The following PHF14 variants were observed in gnomAD, a reference collection of about 807,000 sequenced individuals.
PHF14 encodes the protein PHD finger protein 14.
PHF14 carries 55 observed loss-of-function variants against 117.9 expected under a neutral mutation model. That is an observed-to-expected ratio of 0.47 (90% CI 0.38 to 0.58). The LOEUF (loss-of-function observed/expected upper bound fraction) is 0.58, where lower values mean the gene tolerates loss of function less well. PHF14 is among the 20% of genes least tolerant of loss of function. The pLI is 0.00. For synonymous variants in PHF14, 409 were observed against 368.6 expected, an observed-to-expected ratio of 1.11 and a Z score of -1.26; for missense variants, 978 against 1,122.2, an observed-to-expected ratio of 0.87 and a Z score of 1.84.
At chr7:11,030,571 A>C (rs887172715) in intron 7 of PHF14, among the ~76,000 whole-genome samples, 5 of 152,128 alleles carry the variant, frequency 3.3e-5, no homozygotes, top group Admixed American at 3.3e-4. Flanking sequence ...ATTAAATGAA[A>C]CTAAACATAA....
chr7:11,150,516 G>A (rs1788673571), intron 17 of PHF14, among the ~76,000 whole-genome samples: 1 of 151,980 alleles, frequency 6.6e-6, no homozygotes, highest in Admixed American at 6.6e-5. Context: ...GAAGAAAGAA[G>A]GAAAGGAAAG....
At chr7:11,122,352 T>TATACACACACAC in intron 17 of PHF14, among the ~76,000 whole-genome samples, 5 of 65,872 alleles carry the variant, frequency 7.6e-5, no homozygotes, top group African/African-American at 3.6e-4. Flanking sequence ...TATATATATA[T>TATACACACACAC]ACACACACAC....
chr7:11,164,806 A>T (rs540881198), intron 17 of PHF14, among the ~76,000 whole-genome samples: 1 of 152,322 alleles, frequency 6.6e-6, no homozygotes, highest in Admixed American at 6.5e-5. Context: ...TTTAAATTTT[A>T]CCAGTTTTCT....
At chr7:11,107,253 CA>C (rs1216940302) in intron 16 of PHF14, 9 of 978,736 alleles carry the variant, frequency 9.2e-6, no homozygotes, top group Non-Finnish European at 9.7e-6. Context: ...TTATATGGAT[CA>C]TAGCACATAT....
chr7:11,069,575 G>C lies in PHF14; in HGVS notation c.2654+7490G>C, dbSNP rs569481502. On this transcript the variant is annotated intron_variant, in intron 16 of 17. Transcript: ENST00000634607. ...TTTTATTTGCTAATATTTTGATAAG[G>C]GTTATACATTCTCTGTGAACGTATT... Among the ~76,000 whole-genome samples, 15 of 150,680 alleles carry C rather than the reference G, an allele frequency of 1.0e-4. No homozygotes were observed. The South Asian group carries it at 3.2e-3, about 32-fold the overall frequency.
intron 16 of PHF14, among the ~76,000 whole-genome samples, chr7:11,075,558 A>G (rs1276530651): frequency 1.5e-5 from 2 of 135,254 alleles, no homozygotes; most frequent in Non-Finnish European, 3.1e-5. Flanking sequence ...CATGGGAAGG[A>G]AAGAGGTTTT....
At chr7:10,986,171 A>G (rs1782221861) in intron 3 of PHF14, among the ~76,000 whole-genome samples, 1 of 143,882 alleles carries the variant, frequency 7.0e-6, no homozygotes, top group African/African-American at 2.6e-5. Context: ...TTTTGTAGAG[A>G]TGGTATATCA....
chr7:11,023,186 A>G (rs990808069), intron 6 of PHF14, among the ~76,000 whole-genome samples: 2 of 152,202 alleles, frequency 1.3e-5, no homozygotes, highest in African/African-American at 4.8e-5. Flanking sequence ...AGAGTAACGT[A>G]TGAGGTAAAA....
chr7:11,040,654 A>T lies in PHF14; in HGVS notation c.2077-18A>T, dbSNP rs1162259896. Reference sequence around the variant, plus strand: ...TCTTTCTTAAAACAATATATACTACATTTGTTCAAATCAATAGAAGTTGAA... The same window carrying T: ...TCTTTCTTAAAACAATATATACTACTTTTGTTCAAATCAATAGAAGTTGAA... On this transcript the variant is annotated intron_variant, in intron 11 of 17. Coordinates refer to ENST00000634607, the MANE Select transcript of PHF14 (RefSeq NM_001007157.2). 7.3e-7 allele frequency: 1 copy of T among 1,366,570 alleles called. No homozygotes were observed. Among genetic ancestry groups the T allele is most frequent in the Non-Finnish European group, 1.0e-6 (1 of 994,942 alleles). 84.7% of individuals were successfully genotyped at this position (1,366,570 alleles called of 1,614,324 possible).
intron 3 of PHF14, among the ~76,000 whole-genome samples, chr7:10,985,097 A>G (rs1446456560): frequency 6.6e-6 from 1 of 152,128 alleles, no homozygotes; most frequent in Non-Finnish European, 1.5e-5. Context: ...AAATTAGATA[A>G]TTACATTTTA....
At chr7:11,078,368 A>G (rs1785948467) in intron 16 of PHF14, among the ~76,000 whole-genome samples, 1 of 152,150 alleles carries the variant, frequency 6.6e-6, no homozygotes, top group African/African-American at 2.4e-5. Flanking sequence ...CTAACTAGGA[A>G]AAATGGTGGG....
chr7:11,011,380 A>G (rs1323730116), intron 4 of PHF14, among the ~76,000 whole-genome samples: 1 of 152,220 alleles, frequency 6.6e-6, no homozygotes, highest in Non-Finnish European at 1.5e-5. Flanking sequence ...AAATAATCAC[A>G]TGATCTTACA....
intron 17 of PHF14, among the ~76,000 whole-genome samples, chr7:11,120,338 A>T (rs1268872589): frequency 6.6e-6 from 1 of 152,046 alleles, no homozygotes; most frequent in East Asian, 1.9e-4. Flanking sequence ...AGTGACAAGC[A>T]TTTTAGGCAC....
intron 17 of PHF14, 50 bp downstream of exon 17, chr7:11,111,517 A>G: frequency 4.5e-6 from 4 of 881,998 alleles, no homozygotes; most frequent in Non-Finnish European, 7.3e-6. Context: ...TCCGTTTGAT[A>G]GCTTTCCCAT....
intron 16 of PHF14, among the ~76,000 whole-genome samples, chr7:11,066,352 C>T (rs921717159): frequency 5.9e-5 from 9 of 152,248 alleles, no homozygotes; most frequent in South Asian, 2.1e-4. Flanking sequence ...CTCTGCCTCC[C>T]GGGCTCAAGC....
At chr7:11,048,439 G>A (rs747529577) in intron 13 of PHF14, among the ~76,000 whole-genome samples, 5 of 152,070 alleles carry the variant, frequency 3.3e-5, no homozygotes, top group Admixed American at 1.3e-4. Context: ...AGGCATGGTG[G>A]CAGGCACCTG....
At chr7:11,096,816 A>C (rs1786888072) in intron 16 of PHF14, among the ~76,000 whole-genome samples, 1 of 152,076 alleles carries the variant, frequency 6.6e-6, no homozygotes, top group Non-Finnish European at 1.5e-5. Flanking sequence ...TCTTGAGTTT[A>C]CCAATTTCTG....
chr7:11,040,969 C>T (rs117588474), intron 12 of PHF14, among the ~76,000 whole-genome samples, 194 bp downstream of exon 12: 1 of 151,900 alleles, frequency 6.6e-6, no homozygotes, highest in Non-Finnish European at 1.5e-5. Flanking sequence ...CTGTTTTAAC[C>T]TAAACTCTAT....
intron 16 of PHF14, among the ~76,000 whole-genome samples, chr7:11,066,350 C>T (rs1562448249): frequency 6.6e-6 from 1 of 152,198 alleles, no homozygotes; most frequent in Non-Finnish European, 1.5e-5. Flanking sequence ...GCCTCTGCCT[C>T]CCGGGCTCAA....
Sources: gnomAD v4.1 joint callset for allele counts (sites outside exome capture counted in the v4.1 genomes callset) on GRCh38, gnomAD v4.1.1 for gene constraint, MANE v1.5 for transcripts, NCBI Gene and HGNC (gene_info 2026-07-23, HGNC 2026-07-21) for gene names.